The following NKAIN3 variants were observed in gnomAD, a reference collection of about 807,000 sequenced individuals.
NKAIN3 encodes sodium/potassium-transporting ATPase subunit beta-1-interacting protein 3.
In NKAIN3, 25 loss-of-function variants were observed where a neutral mutation model predicts 30.2. The ratio of observed to expected loss-of-function variants is 0.83; its 90% CI spans 0.60 to 1.16. The LOEUF (loss-of-function observed/expected upper bound fraction) is 1.16, where lower values mean the gene tolerates loss of function less well. Ranked by LOEUF, NKAIN3 falls within the 50% of genes most tolerant of loss-of-function variation. The pLI, the probability that NKAIN3 is intolerant of heterozygous loss-of-function variation, is 0.00. For missense variants in NKAIN3, 225 were observed against 254.1 expected (o/e 0.89, Z 0.78); for synonymous variants, 91 against 89.6 (o/e 1.02, Z -0.09).
intron 1 of NKAIN3, among the ~76,000 whole-genome samples, chr8:62,363,405 C>CA (rs1210376478): frequency 6.6e-6 from 1 of 152,142 alleles, no homozygotes; most frequent in African/African-American, 2.4e-5. Flanking sequence ...TATAGTAGAA[C>CA]AGTAGGTAGC....
intron 4 of NKAIN3, among the ~76,000 whole-genome samples, chr8:62,791,985 A>T (rs1817713815): frequency 6.6e-6 from 1 of 152,138 alleles, no homozygotes; most frequent in Non-Finnish European, 1.5e-5. Flanking sequence ...TTACACTATC[A>T]AGTTAATTAA....
chr8:62,930,490 G>A (rs1490453726), intron 5 of NKAIN3, among the ~76,000 whole-genome samples: 2 of 152,118 alleles, frequency 1.3e-5, no homozygotes, highest in African/African-American at 4.8e-5. Flanking sequence ...CTGACCACAG[G>A]TGATCCACCC....
intron 1 of NKAIN3, among the ~76,000 whole-genome samples, chr8:62,404,422 T>A (rs761213481): frequency 2.6e-5 from 4 of 152,108 alleles, no homozygotes; most frequent in Non-Finnish European, 5.9e-5. Context: ...TACCAACATG[T>A]CCTTGGATGG....
Position 62,976,126 on chromosome 8 carries a change from T to C in NKAIN3, c.*10719T>C, listed in dbSNP as rs184683943. Reference sequence around the variant, plus strand: ...AGTTATGTGGTCGATTTTAGGAAAATGTGCTATGTGATGCTGAGGAGAATG... The same window carrying C: ...AGTTATGTGGTCGATTTTAGGAAAACGTGCTATGTGATGCTGAGGAGAATG... On this transcript the variant is annotated 3_prime_UTR_variant, in exon 7 of 7. Transcript: ENST00000623646. 7.5e-4 allele frequency among the ~76,000 whole-genome samples: 114 copies of C among 152,178 alleles called. 1 individual carries two copies. Among genetic ancestry groups the C allele is most frequent in the African/African-American group, 2.6e-3 (110 of 41,564 alleles).
At position 62,303,882 on chromosome 8, in the gene NKAIN3, T is replaced by C. The variant is rs149939455; in HGVS notation, c.54+54755T>C. Reference sequence around the variant, plus strand: ...ATAGCCATTTAAATTGTGAAGGTTGTTACAGTACTATAAGTTTAATTTCTA... The same window carrying C: ...ATAGCCATTTAAATTGTGAAGGTTGCTACAGTACTATAAGTTTAATTTCTA... On this transcript the variant is annotated intron_variant, in intron 1 of 6. Coordinates refer to ENST00000623646, the MANE Select transcript of NKAIN3 (RefSeq NM_001304533.3). Among the ~76,000 whole-genome samples, 696 of 150,732 alleles carry C rather than the reference T, an allele frequency of 4.6e-3. 53 individuals carry two copies. Among genetic ancestry groups the C allele is most frequent in the African/African-American group, 0.016 (655 of 40,122 alleles).
At chr8:62,323,864 A>G (rs1245623432) in intron 1 of NKAIN3, among the ~76,000 whole-genome samples, 2 of 152,224 alleles carry the variant, frequency 1.3e-5, no homozygotes, top group Admixed American at 6.5e-5. Context: ...AAAAGGCTAC[A>G]AACTGAATAA....
intron 3 of NKAIN3, among the ~76,000 whole-genome samples, chr8:62,650,967 T>C (rs1812603603): frequency 6.6e-6 from 1 of 152,166 alleles, no homozygotes; most frequent in Admixed American, 6.6e-5. Context: ...TTGCAAGACT[T>C]TTTAACAAGA....
chr8:62,942,247 C>CATATATATACACATATATATACAT (rs1563638444), intron 5 of NKAIN3, among the ~76,000 whole-genome samples: 17 of 141,772 alleles, frequency 1.2e-4, no homozygotes, highest in Non-Finnish European at 3.0e-5. Flanking sequence ...CATATATATA[C>CATATATATACACATATATATACAT]ATATATATAT....
chr8:62,524,233 T>C (rs1327451386), intron 1 of NKAIN3, among the ~76,000 whole-genome samples: 3 of 151,214 alleles, frequency 2.0e-5, no homozygotes, highest in African/African-American at 4.9e-5. Context: ...AAAATATATA[T>C]ATATATATAT....
chr8:62,413,219 G>A (rs1804319000), intron 1 of NKAIN3, among the ~76,000 whole-genome samples: 1 of 152,184 alleles, frequency 6.6e-6, no homozygotes, highest in South Asian at 2.1e-4. Flanking sequence ...TTCAGCCATT[G>A]TGGAAAGCAG....
intron 5 of NKAIN3, among the ~76,000 whole-genome samples, chr8:62,944,310 A>T (rs1045412480): frequency 1.5e-4 from 23 of 152,032 alleles, no homozygotes; most frequent in Non-Finnish European, 3.2e-4. Flanking sequence ...AATTTACTTG[A>T]AAAAAAGTCT....
At chr8:62,764,294 G>T (rs1816767482) in intron 4 of NKAIN3, among the ~76,000 whole-genome samples, 1 of 152,214 alleles carries the variant, frequency 6.6e-6, no homozygotes, top group East Asian at 1.9e-4. Flanking sequence ...TGTGAGGTAG[G>T]CTTTATTATT....
chr8:62,283,541 A>G (rs996774270), intron 1 of NKAIN3, among the ~76,000 whole-genome samples: 1 of 152,178 alleles, frequency 6.6e-6, no homozygotes, highest in Non-Finnish European at 1.5e-5. Context: ...ATTTTAAATC[A>G]TATATATGTC....
At chr8:62,649,841 G>T (rs1212117877) in intron 3 of NKAIN3, among the ~76,000 whole-genome samples, 1 of 152,160 alleles carries the variant, frequency 6.6e-6, no homozygotes, top group African/African-American at 2.4e-5. Flanking sequence ...GGGGCTGGGG[G>T]AAGGTTCCCC....
chr8:62,596,623 A>G (rs1343324722), intron 3 of NKAIN3, among the ~76,000 whole-genome samples: 2 of 152,032 alleles, frequency 1.3e-5, no homozygotes, highest in African/African-American at 4.8e-5. Flanking sequence ...GAGGGCTATT[A>G]GTTCTGCCAG....
At chr8:62,544,195 G>A (rs1229065496) in intron 1 of NKAIN3, among the ~76,000 whole-genome samples, 1 of 151,928 alleles carries the variant, frequency 6.6e-6, no homozygotes, top group Non-Finnish European at 1.5e-5. Context: ...TACAGACATA[G>A]TCTCACCATG....
intron 5 of NKAIN3, among the ~76,000 whole-genome samples, chr8:62,998,254 T>TTCTCTC (rs749712108): frequency 4.6e-5 from 7 of 151,246 alleles, no homozygotes; most frequent in African/African-American, 1.7e-4. Flanking sequence ...TCATTTTTCT[T>TTCTCTC]TCTCTCTCTC....
intron 1 of NKAIN3, among the ~76,000 whole-genome samples, chr8:62,393,726 TA>T (rs1817642513): frequency 6.6e-6 from 1 of 152,090 alleles, no homozygotes; most frequent in Admixed American, 6.5e-5. Context: ...TTCAAATTAA[TA>T]AAAAAGTATA....
rs535748959 is a variant in NKAIN3, at chr8:62,352,969, G to A, written c.54+103842G>A. 2.6e-5 allele frequency among the ~76,000 whole-genome samples: 4 copies of A among 152,268 alleles called. No homozygotes were observed. In the East Asian group the frequency reaches 7.7e-4, roughly 29 times the overall value. On this transcript the variant is annotated intron_variant, in intron 1 of 6. Transcript: ENST00000623646. ...TGACTTCAGGGGTCTGTACTAATAG[G>A]AAGAACAAGAGTCCATCTGCCTTCT...
Sources: allele counts gnomAD v4.1 joint callset (sites outside exome capture counted in the v4.1 genomes callset), GRCh38; gene constraint gnomAD v4.1.1; transcripts MANE v1.5; gene names NCBI Gene and HGNC (gene_info 2026-07-23, HGNC 2026-07-21).